The following PNPLA8 variants were observed in gnomAD, a reference collection of about 807,000 sequenced individuals.
PNPLA8 encodes the protein patatin like domain 8, phospholipase A2.
A neutral mutation model predicts 76.9 loss-of-function variants in PNPLA8; 39 were observed. That is an observed-to-expected ratio of 0.51 (90% CI 0.39 to 0.66). The LOEUF is 0.66. Ranked by LOEUF, PNPLA8 falls within the 30% of genes least tolerant of loss-of-function variation. The pLI is 0.00. For synonymous variants in PNPLA8, 301 were observed against 307.9 expected (o/e 0.98, Z 0.24); for missense variants, 887 against 918.0 (o/e 0.97, Z 0.44).
chr7:108,495,643 T>C (rs1861492615), intron 7 of PNPLA8, among the ~76,000 whole-genome samples: 2 of 152,150 alleles, frequency 1.3e-5, no homozygotes, highest in African/African-American at 2.4e-5. Context: ...GCTTCTTATA[T>C]AGTGACCTAC....
chr7:108,523,926 GT>G (rs1299421953), intron 1 of PNPLA8, among the ~76,000 whole-genome samples: 2 of 152,214 alleles, frequency 1.3e-5, no homozygotes, highest in Non-Finnish European at 2.9e-5. Context: ...AGAGAGGGAA[GT>G]GTTAAGAGAG....
chr7:108,525,937 G>A (rs1023563490), intron 1 of PNPLA8, 92 bp downstream of exon 1: 1 of 527,806 alleles, frequency 1.9e-6, no homozygotes, highest in Admixed American at 6.4e-5. Flanking sequence ...GCCCTCCAAA[G>A]AAAGAAAGGA....
At chr7:108,476,497 G>T (rs1316080325) in intron 10 of PNPLA8, among the ~76,000 whole-genome samples, 1 of 152,198 alleles carries the variant, frequency 6.6e-6, no homozygotes, top group African/African-American at 2.4e-5. Context: ...ATAGGTGTTG[G>T]CAAGGAACTG....
In PNPLA8 at chr7:108,491,471, T is replaced by A; in HGVS notation, c.1626-4A>T. On this transcript the variant is annotated splice_region_variant and splice_polypyrimidine_tract_variant and intron_variant, in intron 7 of 10. Transcript: ENST00000257694. ...CAGTGCAGATCCCATCCTATCCCTT[T>A]ATTAAAGGAGAAAAAAATAAGTTAT... 6.3e-7 allele frequency: 1 copy of A among 1,579,428 alleles called. No individual in the cohort carries two copies. The highest frequency in any genetic ancestry group is 2.2e-5 in the East Asian group (1 of 44,644).
At chr7:108,517,836 C>G (rs1436666842) in intron 2 of PNPLA8, among the ~76,000 whole-genome samples, 1 of 152,156 alleles carries the variant, frequency 6.6e-6, no homozygotes, top group Non-Finnish European at 1.5e-5. Context: ...GTGGCATGAT[C>G]ATAGCTCACT....
At chr7:108,511,833 A>G (rs1378471867) in intron 4 of PNPLA8, among the ~76,000 whole-genome samples, 1 of 152,208 alleles carries the variant, frequency 6.6e-6, no homozygotes, top group Non-Finnish European at 1.5e-5. Context: ...ATAAAACAAC[A>G]TATACAGAAT....
chr7:108,525,378 T>C (rs1040828626), intron 1 of PNPLA8, among the ~76,000 whole-genome samples: 6 of 152,368 alleles, frequency 3.9e-5, no homozygotes, highest in South Asian at 4.1e-4. Flanking sequence ...TAGTCCCTTA[T>C]GTCACAACTC....
At chr7:108,488,382 G>A (rs1860903494) in intron 8 of PNPLA8, among the ~76,000 whole-genome samples, 2 of 152,142 alleles carry the variant, frequency 1.3e-5, no homozygotes, top group South Asian at 4.1e-4. Context: ...GAGCTCAAGA[G>A]CAGCCTGCCC....
At chr7:108,479,758 ACAAGT>A (rs1455438803) in intron 9 of PNPLA8, among the ~76,000 whole-genome samples, 7 of 152,260 alleles carry the variant, frequency 4.6e-5, no homozygotes, top group Non-Finnish European at 8.8e-5. Flanking sequence ...TTCTTCTCTC[ACAAGT>A]CAAATAAAAC....
Position 108,497,582 on chromosome 7 carries a change from A to G in PNPLA8, c.1359-5T>C, listed in dbSNP as rs1004103459. The G allele has an allele frequency of 8.4e-6, 13 of 1,540,736 alleles. No homozygotes were observed. The highest frequency in any genetic ancestry group is 9.7e-6 in the Non-Finnish European group (11 of 1,138,578). ...GTCTGGAGAGCAACCACGCCCCTAC[A>G]GAAAAGATTAAAGACAAAATGACAA... On this transcript the variant is annotated splice_region_variant and splice_polypyrimidine_tract_variant and intron_variant, in intron 5 of 10. Transcript: ENST00000257694.
At chr7:108,498,457 T>G (rs1356514426) in intron 5 of PNPLA8, among the ~76,000 whole-genome samples, 1 of 150,948 alleles carries the variant, frequency 6.6e-6, no homozygotes, top group Non-Finnish European at 1.5e-5. Flanking sequence ...GTATTTTTAG[T>G]AGAGACAGGG....
chr7:108,510,177 T>TTA, intron 4 of PNPLA8: 55 of 649,802 alleles, frequency 8.5e-5, no homozygotes, highest in Non-Finnish European at 1.3e-4. Context: ...TAAAGTATAA[T>TTA]AAAAAAAAAA....
Position 108,514,623 on chromosome 7 carries a change from AAGTT to A in PNPLA8, c.865_868del (p.Asn289PhefsTer12). The A allele has an allele frequency of 1.2e-6, 2 of 1,614,090 alleles. No homozygotes were observed. Among genetic ancestry groups the A allele is most frequent in the Non-Finnish European group, 1.7e-6 (2 of 1,179,974 alleles). On this transcript the variant is annotated frameshift_variant, in exon 3 of 11. Transcript: ENST00000257694. LOFTEE classifies it high-confidence loss of function. ...TACACCTTCCGTGGGACGAGAAAGA[AAGTT>A]AGCAATACTTTGTTTAGTTGAAACT...
At chr7:108,520,567 T>C (rs537656362) in intron 2 of PNPLA8, among the ~76,000 whole-genome samples, 93 of 152,296 alleles carry the variant, frequency 6.1e-4, no homozygotes, top group African/African-American at 2.2e-3. Flanking sequence ...CAATGACATA[T>C]TGTGTTATTT....
At chr7:108,510,602 C>T (rs1862844983) in intron 4 of PNPLA8, 4 of 1,546,346 alleles carry the variant, frequency 2.6e-6, no homozygotes, top group Non-Finnish European at 3.5e-6. Flanking sequence ...CTTTGTGAAG[C>T]TCAACAAGGC....
chr7:108,482,324 T>C (rs1446653486), intron 9 of PNPLA8, among the ~76,000 whole-genome samples: 2 of 151,990 alleles, frequency 1.3e-5, no homozygotes, highest in African/African-American at 4.8e-5. Context: ...TAAGAAACAT[T>C]AGCTGGGGGT....
chr7:108,485,149 T>C (rs771714034), intron 9 of PNPLA8, among the ~76,000 whole-genome samples: 1 of 152,196 alleles, frequency 6.6e-6, no homozygotes, highest in Non-Finnish European at 1.5e-5. Flanking sequence ...TTTATCAGAT[T>C]CTTTCTCCAA....
intron 10 of PNPLA8, among the ~76,000 whole-genome samples, chr7:108,474,656 C>T (rs1009288183): frequency 2.6e-5 from 4 of 152,194 alleles, no homozygotes; most frequent in Non-Finnish European, 5.9e-5. Flanking sequence ...ATACAGGTAT[C>T]TAATAGTCCC....
At chr7:108,474,796 T>C (rs1355881420) in intron 10 of PNPLA8, among the ~76,000 whole-genome samples, 1 of 152,248 alleles carries the variant, frequency 6.6e-6, no homozygotes, top group East Asian at 1.9e-4. Context: ...TATATGTCTA[T>C]CTTTATTCAA....
Sources: allele counts gnomAD v4.1 joint callset (sites outside exome capture counted in the v4.1 genomes callset), GRCh38; gene constraint gnomAD v4.1.1; transcripts MANE v1.5; gene names NCBI Gene and HGNC (gene_info 2026-07-23, HGNC 2026-07-21).